Variants in HCRTR1 observed in about 807,000 individuals in gnomAD.
HCRTR1 encodes the protein orexin/Hypocretin receptor type 1.
Under a neutral mutation model 40.6 loss-of-function variants are expected in HCRTR1, and 28 were observed. The ratio of observed to expected loss-of-function variants is 0.69; its 90% confidence interval spans 0.51 to 0.95. The LOEUF is 0.95. HCRTR1 is among the 40% of genes least tolerant of loss of function. HCRTR1 has a pLI of 0.00. For synonymous variants in HCRTR1, 209 were observed against 230.0 expected (o/e 0.91, Z 0.83); for missense variants, 482 against 564.7 (o/e 0.85, Z 1.48).
At position 31,625,868 on chromosome 1, in the gene HCRTR1, G is replaced by A. The variant is rs963655354; in HGVS notation, c.1087+750G>A. On this transcript the variant is annotated intron_variant, in intron 8 of 8. Coordinates refer to ENST00000403528, the MANE Select transcript of HCRTR1 (RefSeq NM_001525.3). The surrounding 1 kb of genome is among the most constrained non-coding windows in gnomAD (Gnocchi z 4.2). ...AAGCCTGGACAGAAATAATCTTTGA[G>A]GAACTATTAAAAGGTTAAAGAAAGG... is the stretch of plus-strand genomic sequence containing the variant. 1.3e-5 allele frequency among the ~76,000 whole-genome samples: 2 copies of A among 152,144 alleles called. No individual in the cohort carries two copies. Among genetic ancestry groups the A allele is most frequent in the Admixed American group, 6.5e-5 (1 of 15,280 alleles).
At chr1:31,632,840 C>T (rs140530803), downstream of HCRTR1, among the ~76,000 whole-genome samples, 173 of 152,318 alleles carry the variant, frequency 1.1e-3, no homozygotes, top group African/African-American at 3.9e-3. Flanking sequence ...CCTTTAGCCC[C>T]ACCCCATCCA....
downstream of HCRTR1, among the ~76,000 whole-genome samples, chr1:31,628,456 G>A (rs1260055459): frequency 5.3e-5 from 8 of 152,210 alleles, no homozygotes; most frequent in Non-Finnish European, 1.2e-4. Context: ...GATCCAAAGC[G>A]GTTGGCACAG....
downstream of HCRTR1, among the ~76,000 whole-genome samples, chr1:31,627,790 G>A (rs1640009099): frequency 6.6e-6 from 1 of 152,176 alleles, no homozygotes; most frequent in Non-Finnish European, 1.5e-5. Context: ...CACACGTGGT[G>A]CTGCCTCCTC....
chr1:31,622,057 A>G (rs1413324611), intron 6 of HCRTR1, among the ~76,000 whole-genome samples: 2 of 152,194 alleles, frequency 1.3e-5, no homozygotes, highest in Admixed American at 6.5e-5. Flanking sequence ...TTTGCATCCA[A>G]TGTCTTAACA....
chr1:31,622,954 A>T (rs1639888994), intron 6 of HCRTR1, among the ~76,000 whole-genome samples: 1 of 152,168 alleles, frequency 6.6e-6, no homozygotes, highest in African/African-American at 2.4e-5. Context: ...TTTGAGTCTT[A>T]GTTGCCTCAT....
intron 7 of HCRTR1, 38 bp downstream of exon 7, chr1:31,623,787 T>C: frequency 6.6e-7 from 1 of 1,525,972 alleles, no homozygotes; most frequent in Non-Finnish European, 9.0e-7. Flanking sequence ...GGGAGAAGTT[T>C]GAGGTTGGGG....
chr1:31,630,434 C>A, downstream of HCRTR1: 4 of 665,124 alleles, frequency 6.0e-6, no homozygotes, highest in South Asian at 7.5e-5. Flanking sequence ...CAGCCCCGGT[C>A]CTCACTATTT....
At chr1:31,618,149 TC>T (rs896897246) in intron 1 of HCRTR1, 6 of 152,204 alleles carry the variant, frequency 3.9e-5, no homozygotes, top group African/African-American at 1.5e-4. Context: ...CCCCTCCCCT[TC>T]CCCAGGGGTC....
downstream of HCRTR1, chr1:31,632,549 G>A (rs1384790829): frequency 6.8e-6 from 11 of 1,614,244 alleles, no homozygotes; most frequent in Non-Finnish European, 9.3e-6. Flanking sequence ...TCATACTGCT[G>A]GAAGAGGTTC....
In HCRTR1 at chr1:31,619,071, GA is replaced by G; in HGVS notation, c.-118del. ...TTCAGGAAGTTTGAGGCTGAGACCC[GA>G]AAAGACCTGGGTGCAAGCCTCCAGG... On this transcript the variant is annotated 5_prime_UTR_variant, in exon 3 of 9. Coordinates refer to ENST00000403528, the MANE Select transcript of HCRTR1 (RefSeq NM_001525.3). 1 of 736,016 alleles carries G rather than the reference GA, an allele frequency of 1.4e-6. No homozygotes were observed. Among genetic ancestry groups the G allele is most frequent in the Non-Finnish European group, 2.2e-6 (1 of 457,272 alleles). 45.6% of individuals were successfully genotyped at this position (736,016 alleles called of 1,614,324 possible).
downstream of HCRTR1, among the ~76,000 whole-genome samples, chr1:31,633,977 C>A (rs566319631): frequency 4.4e-4 from 66 of 151,156 alleles, no homozygotes; most frequent in East Asian, 9.7e-4. Flanking sequence ...AACAAAAAAA[C>A]CCAAAAAAAA....
chr1:31,630,695 C>T (rs146006007), downstream of HCRTR1: 64 of 1,613,942 alleles, frequency 4.0e-5, no homozygotes, highest in Non-Finnish European at 4.8e-5. Flanking sequence ...GTCCTTCTCC[C>T]GGAAGGCCTC....
Position 31,627,013 on chromosome 1 carries a change from G to T in HCRTR1, c.*33G>T, listed in dbSNP as rs767042923. The T allele has an allele frequency of 1.3e-6, 2 of 1,589,156 alleles. No homozygotes were observed. Among genetic ancestry groups the T allele is most frequent in the Admixed American group, 1.7e-5 (1 of 58,944 alleles). ...CTGCCCTGGAGGCTCCGGCTCGGGG[G>T]ATCTGCCCCTACCCCTCATGGAAAG... On this transcript the variant is annotated 3_prime_UTR_variant, in exon 9 of 9. Coordinates refer to ENST00000403528, the MANE Select transcript of HCRTR1 (RefSeq NM_001525.3).
downstream of HCRTR1, among the ~76,000 whole-genome samples, chr1:31,634,237 C>G (rs1640196690): frequency 6.6e-6 from 1 of 152,230 alleles, no homozygotes; most frequent in African/African-American, 2.4e-5. Context: ...GCAAGGGCCA[C>G]AGCCCCAGGG....
At chr1:31,627,686 G>C (rs1056895878), downstream of HCRTR1, 27 of 278,052 alleles carry the variant, frequency 9.7e-5, no homozygotes, top group Non-Finnish European at 1.4e-4. Context: ...GGGAAGCTGG[G>C]GGGAGGGAAG....
Position 31,627,318 on chromosome 1 carries a change from T to TCCC in HCRTR1, c.*338_*339insCCC, listed in dbSNP as rs2148612809. 1 of 1,239,208 alleles carries TCCC rather than the reference T, an allele frequency of 8.1e-7. No individual in the cohort carries two copies. The allele number at this position is 1,239,208 out of a possible 1,614,324, so 76.8% of individuals were successfully genotyped here. ...CCTAAAGACCCCTTTCCTACCCAAT[T>TCCC]ACAGGCCTTCCCTGGAGTCTGCTCT... On this transcript the variant is annotated 3_prime_UTR_variant, in exon 9 of 9. Coordinates refer to ENST00000403528, the MANE Select transcript of HCRTR1 (RefSeq NM_001525.3).
downstream of HCRTR1, among the ~76,000 whole-genome samples, chr1:31,627,907 G>A (rs948052065): frequency 2.6e-5 from 4 of 152,228 alleles, no homozygotes; most frequent in African/African-American, 7.2e-5. Flanking sequence ...GGCAGATAGC[G>A]GGTTAACAGG....
At chr1:31,630,603 G>C (rs1446515641), downstream of HCRTR1, 4 of 1,611,556 alleles carry the variant, frequency 2.5e-6, no homozygotes, top group Admixed American at 6.7e-5. Flanking sequence ...ACTCTCCACA[G>C]ATGGTTGGGT....
In HCRTR1 at chr1:31,621,547, G is replaced by T; in HGVS notation, c.693G>T (p.Met231Ile). ...IVTYLAPLGL[M>I]AMAYFQIFRK... ...CCTACCTGGCCCCACTGGGCCTCAT[G>T]GCCATGGCCTATTTCCAGATATTCC... Residue 231 changes from methionine to isoleucine, a missense_variant, in exon 6 of 9, where the codon ATG becomes ATT. Transcript: ENST00000403528. 1 of 1,614,024 alleles carries T rather than the reference G, an allele frequency of 6.2e-7. No homozygotes were observed. Among genetic ancestry groups the T allele is most frequent in the Non-Finnish European group, 8.5e-7 (1 of 1,180,012 alleles).
Sources: gnomAD v4.1 joint callset for allele counts (sites outside exome capture counted in the v4.1 genomes callset) on GRCh38, gnomAD v4.1.1 for gene constraint, Gnocchi (gnomAD v3.1) non-coding constraint, MANE v1.5 for transcripts, NCBI Gene and HGNC (gene_info 2026-07-23, HGNC 2026-07-21) for gene names.